The following MAGEA1 variants were observed in gnomAD, a reference collection of about 807,000 sequenced individuals.
MAGEA1 encodes melanoma-associated antigen 1.
For missense variants in MAGEA1, 182 were observed against 233.7 expected (o/e 0.78, Z 1.44); for synonymous variants, 101 against 96.7 (o/e 1.04, Z -0.26).
At position 153,182,534 on chromosome X, in the gene MAGEA1, G is replaced by T. The variant is rs1365830109; in HGVS notation, c.145G>T (p.Ala49Ser). ...VLGTLEEVPT[A>S]GSTDPPQSPQ... ...GGGCACCCTGGAGGAGGTGCCCACTGCTGGGTCAACAGATCCTCCCCAGAG... is the reference window on the plus strand; with the variant it reads ...GGGCACCCTGGAGGAGGTGCCCACTTCTGGGTCAACAGATCCTCCCCAGAG... The change falls in exon 3 of 3, where the codon GCT (alanine) becomes TCT (serine). Residue 49 changes from alanine (A) to serine (S), a missense_variant. Ala to Ser is a moderately conservative substitution (Grantham distance 99). Transcript: ENST00000356661. 1.7e-6 allele frequency: 2 copies of T among 1,211,603 alleles called. No individual in the cohort carries two copies. The highest frequency in any genetic ancestry group is 2.2e-6 in the Non-Finnish European group (2 of 895,408).
Position 153,182,536 on chromosome X carries a change from T to C in MAGEA1, c.147T>C (p.Ala49=). ...VLGTLEEVPT[A]GSTDPPQSPQ... ...GCACCCTGGAGGAGGTGCCCACTGC[T>C]GGGTCAACAGATCCTCCCCAGAGTC... The change falls in exon 3 of 3, where the codon GCT becomes GCC. Residue 49 remains alanine, a synonymous_variant. Coordinates refer to ENST00000356661, the MANE Select transcript of MAGEA1 (RefSeq NM_004988.5). The C allele has an allele frequency of 8.3e-7, 1 of 1,211,792 alleles. No homozygotes were observed. The highest frequency in any genetic ancestry group is 1.1e-6 in the Non-Finnish European group (1 of 895,491).
At chrX:153,180,013 A>G (rs1556943736) in intron 1 of MAGEA1, among the ~76,000 whole-genome samples, 1 of 108,048 alleles carries the variant, frequency 9.3e-6, no homozygotes, top group African/African-American at 3.5e-5. Context: ...CTTGAGATCC[A>G]CTGAGGGGAG....
Position 153,182,236 on chromosome X carries a change from C to A in MAGEA1, c.-79C>A. On this transcript the variant is annotated 5_prime_UTR_variant, in exon 2 of 3. Transcript: ENST00000356661. The stretch of plus-strand genomic sequence containing the variant: ...TTCCCTGGAGGCCACAGAGGAGCAC[C>A]AAGGAGAAGATCTGTAAGTAGGCCT... 9.6e-7 allele frequency: 1 copy of A among 1,039,946 alleles called. No homozygotes were observed. Among genetic ancestry groups the A allele is most frequent in the Non-Finnish European group, 1.3e-6 (1 of 741,427 alleles). The allele number at this position is 1,039,946 out of a possible 1,213,427, so 85.7% of individuals were successfully genotyped here. A position where few individuals can be genotyped will look rare whatever the true frequency, so the allele number is the denominator to read the frequency against.
rs41314147 is a variant in MAGEA1 at position 153,183,472 on chromosome X, A to G, written c.*153A>G. On this transcript the variant is annotated 3_prime_UTR_variant, in exon 3 of 3. Coordinates refer to ENST00000356661, the MANE Select transcript of MAGEA1 (RefSeq NM_004988.5). Reference sequence around the variant, plus strand: ...GTTCTCAGTAGTAGGTTTCTGTTCTATTGGGTGACTTGGAGATTTATCTTT... The same window carrying G: ...GTTCTCAGTAGTAGGTTTCTGTTCTGTTGGGTGACTTGGAGATTTATCTTT... The G allele has an allele frequency of 0.092, 47,875 of 519,173 alleles. 3,578 individuals are homozygous for G. The highest frequency in any genetic ancestry group is 0.44 in the East Asian group (12,630 of 28,659). The allele number at this position is 519,173 out of a possible 1,213,427, so 42.8% of individuals were successfully genotyped here. A position where few individuals can be genotyped will look rare whatever the true frequency, so the allele number is the denominator to read the frequency against.
At position 153,183,513 on chromosome X, in the gene MAGEA1, T is replaced by A; in HGVS notation, c.*194T>A. ...ATTTATCTTTGTTCTCTTTTGGAAT[T>A]GTTCAAATGTTTTTTTTTAAGGGAT... is the stretch of plus-strand genomic sequence containing the variant. On this transcript the variant is annotated 3_prime_UTR_variant, in exon 3 of 3. Coordinates refer to ENST00000356661, the MANE Select transcript of MAGEA1 (RefSeq NM_004988.5). 1 of 460,193 alleles carries A rather than the reference T, an allele frequency of 2.2e-6. No individual in the cohort carries two copies. The highest frequency in any genetic ancestry group is 3.8e-6 in the Non-Finnish European group (1 of 263,072). The allele number at this position is 460,193 out of a possible 1,213,427, so 37.9% of individuals were successfully genotyped here. A position where few individuals can be genotyped will look rare whatever the true frequency, so the allele number is the denominator to read the frequency against.
Position 153,182,605 on chromosome X carries a change from A to G in MAGEA1, c.216A>G (p.Arg72=). Residue 72 remains arginine, a synonymous_variant, in exon 3 of 3, where the codon CGA becomes CGG. Coordinates refer to ENST00000356661, the MANE Select transcript of MAGEA1 (RefSeq NM_004988.5). ...TTCCCACTACCATCAACTTCACTCG[A>G]CAGAGGCAACCCAGTGAGGGTTCCA... The part of the protein sequence containing the change: ...SAFPTTINFT[R]QRQPSEGSSS... 8.3e-7 allele frequency: 1 copy of G among 1,211,338 alleles called. No individual in the cohort carries two copies. Among genetic ancestry groups the G allele is most frequent in the Non-Finnish European group, 1.1e-6 (1 of 895,335 alleles).
rs782507665 is a variant in MAGEA1, at chrX:153,182,374, C to T, written c.-16C>T. 2.2e-5 allele frequency: 26 copies of T among 1,199,046 alleles called. No individual in the cohort carries two copies. The East Asian group carries it at 4.2e-4, about 19-fold the overall frequency. On this transcript the variant is annotated 5_prime_UTR_variant, in exon 3 of 3. Coordinates refer to ENST00000356661, the MANE Select transcript of MAGEA1 (RefSeq NM_004988.5). Reference sequence around the variant, plus strand: ...TCCTGCCCACACTCCTGCCTGCTGCCCTGACGAGAGTCATCATGTCTCTTG... The same window carrying T: ...TCCTGCCCACACTCCTGCCTGCTGCTCTGACGAGAGTCATCATGTCTCTTG...
chrX:153,183,337 G>A lies in MAGEA1; in HGVS notation c.*18G>A. 1 of 1,194,018 alleles carries A rather than the reference G, an allele frequency of 8.4e-7. No homozygotes were observed. Among genetic ancestry groups the A allele is most frequent in the Non-Finnish European group, 1.1e-6 (1 of 884,803 alleles). Reference sequence around the variant, plus strand: ...GAGTCTGAGCATGAGTTGCAGCCAAGGCCAGTGGGAGGGGGACTGGGCCAG... The same window carrying A: ...GAGTCTGAGCATGAGTTGCAGCCAAAGCCAGTGGGAGGGGGACTGGGCCAG... On this transcript the variant is annotated 3_prime_UTR_variant, in exon 3 of 3. Transcript: ENST00000356661.
At chrX:153,181,235 A>C (rs895723422) in intron 1 of MAGEA1, among the ~76,000 whole-genome samples, 3 of 108,752 alleles carry the variant, frequency 2.8e-5, no homozygotes, top group African/African-American at 1.0e-4. Flanking sequence ...GCTTCTTTTC[A>C]CTCCTGTTTC....
intron 1 of MAGEA1, among the ~76,000 whole-genome samples, chrX:153,179,984 T>C (rs3788751): frequency 9.2e-6 from 1 of 108,472 alleles, no homozygotes; most frequent in East Asian, 2.9e-4. Context: ...CAGGTTCATT[T>C]AATGGTTCTG....
rs1556943613 is a variant in MAGEA1, at chrX:153,179,303, A to G, written c.-201A>G. The stretch of plus-strand genomic sequence containing the variant: ...TGGGGCAGAGAGAAGCGAGGTTTCC[A>G]TTCTGAGGGACGGCGTAGAGTTCGG... On this transcript the variant is annotated 5_prime_UTR_variant, in exon 1 of 3. Transcript: ENST00000356661. The G allele has an allele frequency of 1.0e-5, 1 of 99,302 alleles. No homozygotes were observed. The highest frequency in any genetic ancestry group is 2.0e-5 in the Non-Finnish European group (1 of 49,151). 8.2% of individuals were successfully genotyped at this position (99,302 alleles called of 1,213,427 possible). A position where few individuals can be genotyped will look rare whatever the true frequency, so the allele number is the denominator to read the frequency against.
intron 1 of MAGEA1, among the ~76,000 whole-genome samples, chrX:153,181,003 G>A (rs1254224632): frequency 2.7e-5 from 3 of 110,255 alleles, no homozygotes; most frequent in Non-Finnish European, 5.7e-5. Context: ...ATCAGGGATG[G>A]CGGTATGTTC....
At chrX:153,179,523 A>G (rs1186238521) in intron 1 of MAGEA1, among the ~76,000 whole-genome samples, 158 bp downstream of exon 1, 1 of 108,157 alleles carries the variant, frequency 9.2e-6, no homozygotes, top group East Asian at 3.0e-4. Context: ...GAGAGACACC[A>G]GGTTCTTCTC....
chrX:153,180,227 CT>C (rs1556943761), intron 1 of MAGEA1, among the ~76,000 whole-genome samples: 2 of 111,114 alleles, frequency 1.8e-5, no homozygotes, highest in Non-Finnish European at 3.8e-5. Flanking sequence ...GTAGTCATAG[CT>C]TATGTGACCG....
At chrX:153,180,854 G>A (rs1258514825) in intron 1 of MAGEA1, among the ~76,000 whole-genome samples, 2 of 111,532 alleles carry the variant, frequency 1.8e-5, no homozygotes, top group Non-Finnish European at 3.8e-5. Flanking sequence ...TGGGGCCTCA[G>A]GTCAACAGAG....
In MAGEA1 at chrX:153,182,685, G is replaced by A. The variant is rs1556944132; in HGVS notation, c.296G>A (p.Arg99Gln). 1 of 1,212,029 alleles carries A rather than the reference G, an allele frequency of 8.3e-7. No homozygotes were observed. Among genetic ancestry groups the A allele is most frequent in the Non-Finnish European group, 1.1e-6 (1 of 895,580 alleles). Residue 99 changes from arginine to glutamine, a missense_variant, in exon 3 of 3, where the codon CGA becomes CAA. Coordinates refer to ENST00000356661, the MANE Select transcript of MAGEA1 (RefSeq NM_004988.5). ...STSCILESLF[R>Q]AVITKKVADL... is the part of the protein sequence containing the mutation. ...TCTTGTATCCTGGAGTCCTTGTTCC[G>A]AGCAGTAATCACTAAGAAGGTGGCT...
In MAGEA1 at chrX:153,182,416, C is replaced by T; in HGVS notation, c.27C>T (p.His9=). 5.8e-6 allele frequency: 7 copies of T among 1,210,851 alleles called. No homozygotes were observed. Among genetic ancestry groups the T allele is most frequent in the Non-Finnish European group, 7.8e-6 (7 of 895,047 alleles). Residue 9 remains histidine (H), a synonymous_variant, in exon 3 of 3, where the codon CAC becomes CAT. Transcript: ENST00000356661. MSLEQRSL[H]CKPEEALEAQ... is the part of the protein sequence containing the mutation. ...TGTCTCTTGAGCAGAGGAGTCTGCACTGCAAGCCTGAGGAAGCCCTTGAGG... is the reference window on the plus strand; with the variant it reads ...TGTCTCTTGAGCAGAGGAGTCTGCATTGCAAGCCTGAGGAAGCCCTTGAGG...
In MAGEA1 at chrX:153,183,343, TG is replaced by T; in HGVS notation, c.*27del. 2 of 1,188,788 alleles carry T rather than the reference TG, an allele frequency of 1.7e-6. No individual in the cohort carries two copies. Among genetic ancestry groups the T allele is most frequent in the Non-Finnish European group, 2.3e-6 (2 of 881,162 alleles). On this transcript the variant is annotated 3_prime_UTR_variant, in exon 3 of 3. Coordinates refer to ENST00000356661, the MANE Select transcript of MAGEA1 (RefSeq NM_004988.5). The stretch of plus-strand genomic sequence containing the variant: ...GAGCATGAGTTGCAGCCAAGGCCAG[TG>T]GGAGGGGGACTGGGCCAGTGCACCT...
At chrX:153,180,265 G>A (rs1556943776) in intron 1 of MAGEA1, among the ~76,000 whole-genome samples, 1 of 111,306 alleles carries the variant, frequency 9.0e-6, no homozygotes, top group African/African-American at 3.3e-5. Flanking sequence ...GAGAGGGCAG[G>A]GCCCAGGCAT....
Sources: allele counts gnomAD v4.1 joint callset (sites outside exome capture counted in the v4.1 genomes callset), GRCh38; gene constraint gnomAD v4.1.1; transcripts MANE v1.5; gene names NCBI Gene and HGNC (gene_info 2026-07-23, HGNC 2026-07-21).